ST6GALNAC5: variants seen among roughly 807,000 people sequenced by gnomAD.
ST6GALNAC5 encodes the protein alpha-N-acetylgalactosaminide alpha-2,6-sialyltransferase 5.
Under a neutral mutation model 33.6 loss-of-function variants are expected in ST6GALNAC5, and 27 were observed. The ratio of observed to expected loss-of-function variants is 0.80; its 90% confidence interval spans 0.59 to 1.11. The LOEUF is 1.11. Ranked by LOEUF, ST6GALNAC5 falls within the 50% of genes least tolerant of loss-of-function variation. ST6GALNAC5 has a pLI of 0.00. For missense variants in ST6GALNAC5, 428 were observed against 454.0 expected, an observed-to-expected ratio of 0.94 and a Z score of 0.52; for synonymous variants, 194 against 171.2, an observed-to-expected ratio of 1.13 and a Z score of -1.04.
rs145136248 is a variant in ST6GALNAC5 at position 77,065,958 on chromosome 1, G to A, written c.*2752G>A. ...AGATAGCCATTATGGGCAAAGATAC[G>A]GGAATTTGCAAACAAAATCAATCAC... On this transcript the variant is annotated 3_prime_UTR_variant, in exon 5 of 5. Coordinates refer to ENST00000477717, the MANE Select transcript of ST6GALNAC5 (RefSeq NM_030965.3). 2.6e-5 allele frequency among the ~76,000 whole-genome samples: 4 copies of A among 152,106 alleles called. No homozygotes were observed. Among genetic ancestry groups the A allele is most frequent in the African/African-American group, 9.7e-5 (4 of 41,418 alleles).
chr1:76,953,449 G>A (rs1310704473), intron 2 of ST6GALNAC5, among the ~76,000 whole-genome samples: 1 of 152,052 alleles, frequency 6.6e-6, no homozygotes, highest in African/African-American at 2.4e-5. Context: ...ATCTTTTTAT[G>A]TGTTTATTTG....
chr1:76,931,618 C>A (rs1206969121), intron 2 of ST6GALNAC5, among the ~76,000 whole-genome samples: 1 of 152,104 alleles, frequency 6.6e-6, no homozygotes, highest in Admixed American at 6.6e-5. Flanking sequence ...ACAGTATATA[C>A]ACCAAAGACT....
intron 2 of ST6GALNAC5, among the ~76,000 whole-genome samples, chr1:76,931,387 T>C (rs1242475759): frequency 2.0e-5 from 3 of 152,142 alleles, no homozygotes; most frequent in Admixed American, 6.5e-5. Flanking sequence ...TGCTAGTTTG[T>C]GGTATTATTG....
At chr1:76,942,455 G>T (rs557399687) in intron 2 of ST6GALNAC5, among the ~76,000 whole-genome samples, 1 of 152,050 alleles carries the variant, frequency 6.6e-6, no homozygotes, top group African/African-American at 2.4e-5. Flanking sequence ...AGTTGATACC[G>T]CCAGTATCCA....
At chr1:77,047,867 T>A (rs1310115203) in intron 3 of ST6GALNAC5, among the ~76,000 whole-genome samples, 3 of 152,218 alleles carry the variant, frequency 2.0e-5, no homozygotes. Flanking sequence ...AAAGAATATC[T>A]GATAATTTTC....
At chr1:76,969,741 C>G (rs1202086950) in intron 2 of ST6GALNAC5, among the ~76,000 whole-genome samples, 1 of 152,136 alleles carries the variant, frequency 6.6e-6, no homozygotes, top group Non-Finnish European at 1.5e-5. Context: ...GTCCCTGACC[C>G]CCGTGTAGCC....
At chr1:76,974,785 T>TTTTTTTTTTTTTTTTTTTTTTTA in intron 2 of ST6GALNAC5, among the ~76,000 whole-genome samples, 1 of 127,380 alleles carries the variant, frequency 7.9e-6, no homozygotes, top group Non-Finnish European at 1.7e-5. Context: ...TTTTTTTTTT[T>TTTTTTTTTTTTTTTTTTTTTTTA]TTTTTTTTTT....
At chr1:77,056,786 T>G (rs1652413931) in intron 4 of ST6GALNAC5, among the ~76,000 whole-genome samples, 1 of 152,160 alleles carries the variant, frequency 6.6e-6, no homozygotes, top group Non-Finnish European at 1.5e-5. Context: ...CTGTGGCTCT[T>G]TGTCCCATGA....
At chr1:76,886,528 A>G (rs778638359) in intron 2 of ST6GALNAC5, among the ~76,000 whole-genome samples, 1 of 152,164 alleles carries the variant, frequency 6.6e-6, no homozygotes, top group Non-Finnish European at 1.5e-5. Flanking sequence ...GCTTTCAAGT[A>G]AAAGGGTGAA....
chr1:76,999,955 G>A (rs1650082913), intron 2 of ST6GALNAC5, among the ~76,000 whole-genome samples: 1 of 114,180 alleles, frequency 8.8e-6, no homozygotes, highest in Non-Finnish European at 2.0e-5. Flanking sequence ...AAACATACGT[G>A]TGCATGTGTC....
intron 2 of ST6GALNAC5, among the ~76,000 whole-genome samples, chr1:76,974,310 A>T (rs1648905102): frequency 8.4e-6 from 1 of 119,380 alleles, no homozygotes; most frequent in Non-Finnish European, 2.0e-5. Context: ...GCTCAAAGTG[A>T]TCCTCCTACC....
chr1:76,955,640 G>C (rs1401566510), intron 2 of ST6GALNAC5, among the ~76,000 whole-genome samples: 1 of 152,104 alleles, frequency 6.6e-6, no homozygotes, highest in Non-Finnish European at 1.5e-5. Context: ...TTTGGAAGTA[G>C]GTTATTATTA....
In ST6GALNAC5 at chr1:76,967,867, T is replaced by C. The variant is rs191143177; in HGVS notation, c.262-76337T>C. On this transcript the variant is annotated intron_variant, in intron 2 of 4. Transcript: ENST00000477717. The stretch of plus-strand genomic sequence containing the variant: ...CAGTAGTCATTCAGGAGCAGGTTGT[T>C]CAGTTTCCATGTAGTTGTGCGGTTT... 1.4e-3 allele frequency among the ~76,000 whole-genome samples: 213 copies of C among 152,332 alleles called. 1 individual carries two copies. Among genetic ancestry groups the C allele is most frequent in the Middle Eastern group, 3.4e-3 (1 of 294 alleles).
chr1:76,955,326 T>G lies in ST6GALNAC5; in HGVS notation c.261+86584T>G, dbSNP rs1647914996. On this transcript the variant is annotated intron_variant, in intron 2 of 4. Coordinates refer to ENST00000477717, the MANE Select transcript of ST6GALNAC5 (RefSeq NM_030965.3). Reference sequence around the variant, plus strand: ...ATTTTGCACATCAATCTGAATTGGATGTGCTTCAAGGTCCTCCTCTTACTC... The same window carrying G: ...ATTTTGCACATCAATCTGAATTGGAGGTGCTTCAAGGTCCTCCTCTTACTC... Among the ~76,000 whole-genome samples, 3 of 152,300 alleles carry G rather than the reference T, an allele frequency of 2.0e-5. No homozygotes were observed. The South Asian group carries it at 6.2e-4, about 32-fold the overall frequency.
At chr1:76,991,644 A>T (rs1335687415) in intron 2 of ST6GALNAC5, among the ~76,000 whole-genome samples, 3 of 152,078 alleles carry the variant, frequency 2.0e-5, no homozygotes, top group African/African-American at 4.8e-5. Context: ...CTTTGACATC[A>T]GTTTCCACAT....
At chr1:77,026,755 G>T (rs542548520) in intron 2 of ST6GALNAC5, among the ~76,000 whole-genome samples, 45 of 152,262 alleles carry the variant, frequency 3.0e-4, no homozygotes, top group African/African-American at 1.1e-3. Context: ...TTGCAGAATG[G>T]TGCCTGGAAG....
intron 2 of ST6GALNAC5, among the ~76,000 whole-genome samples, chr1:77,009,472 T>A (rs1373938606): frequency 2.0e-5 from 3 of 151,894 alleles, no homozygotes; most frequent in Non-Finnish European, 4.4e-5. Flanking sequence ...AAGGCTTTGG[T>A]GTTGGGGAGA....
intron 2 of ST6GALNAC5, among the ~76,000 whole-genome samples, chr1:76,882,885 C>A (rs1238248911): frequency 6.6e-6 from 1 of 152,100 alleles, no homozygotes; most frequent in Non-Finnish European, 1.5e-5. Flanking sequence ...CTACCCCCAC[C>A]ACTGCCCTCA....
intron 2 of ST6GALNAC5, among the ~76,000 whole-genome samples, 158 bp from the exon 3 acceptor site, chr1:77,044,046 G>C (rs1651920399): frequency 6.6e-6 from 1 of 152,148 alleles, no homozygotes; most frequent in Non-Finnish European, 1.5e-5. Flanking sequence ...GAGAACGCAA[G>C]GGTCCATAAA....
Sources: allele counts gnomAD v4.1 joint callset (sites outside exome capture counted in the v4.1 genomes callset), GRCh38; gene constraint gnomAD v4.1.1; transcripts MANE v1.5; gene names NCBI Gene and HGNC (gene_info 2026-07-23, HGNC 2026-07-21).